The following ADARB2 variants were observed in gnomAD, a reference collection of about 807,000 sequenced individuals.
The protein encoded by ADARB2 is adenosine deaminase RNA specific B2 (inactive).
In ADARB2, 25 loss-of-function variants were observed where a neutral mutation model predicts 62.2. The observed-to-expected ratio is 0.40, with a 90% confidence interval of 0.29 to 0.56. The LOEUF (loss-of-function observed/expected upper bound fraction) is 0.56, where lower values mean the gene tolerates loss of function less well. Ranked by LOEUF, ADARB2 falls within the 20% of genes least tolerant of loss-of-function variation. The probability of loss-of-function intolerance (pLI) is 0.43; values close to 1 mark genes in which losing one functional copy is unlikely to be tolerated. For missense variants in ADARB2, 1,071 were observed against 1,077.4 expected (o/e 0.99, Z 0.08); for synonymous variants, 572 against 500.8 (o/e 1.14, Z -1.90).
intron 4 of ADARB2, among the ~76,000 whole-genome samples, chr10:1,249,590 G>C (rs1023168615): frequency 6.6e-6 from 1 of 151,660 alleles, no homozygotes; most frequent in African/African-American, 2.4e-5. Context: ...GGAACAGAGG[G>C]ATTTTTTTCC....
At position 1,638,626 on chromosome 10, in the gene ADARB2, TACA is replaced by T. The variant is rs200604543; in HGVS notation, c.100+98422_100+98424del. Among the ~76,000 whole-genome samples the T allele has an allele frequency of 3.6e-3, 542 of 152,310 alleles. 3 individuals carry two copies. Among genetic ancestry groups the T allele is most frequent in the African/African-American group, 0.012 (491 of 41,576 alleles). The stretch of plus-strand genomic sequence containing the variant: ...GCCTCGTGTGCATTACACAGTTTCT[TACA>T]ACAAGCCGATGAGGCAGATAATTTT... On this transcript the variant is annotated intron_variant, in intron 1 of 9. Transcript: ENST00000381312.
chr10:1,342,749 G>A (rs973381282), intron 3 of ADARB2, among the ~76,000 whole-genome samples: 10 of 152,142 alleles, frequency 6.6e-5, no homozygotes, highest in Non-Finnish European at 1.2e-4. Flanking sequence ...ATTGCAATGG[G>A]GTGACAAGCT....
At chr10:1,686,124 C>A (rs144730334) in intron 1 of ADARB2, among the ~76,000 whole-genome samples, 179 of 152,334 alleles carry the variant, frequency 1.2e-3, no homozygotes, top group African/African-American at 3.9e-3. Context: ...TCACCTGCTT[C>A]TTCAAAAAGT....
chr10:1,304,956 A>C lies in ADARB2; in HGVS notation c.1078-33887T>G, dbSNP rs1831612127. 2.0e-5 allele frequency among the ~76,000 whole-genome samples: 2 copies of C among 101,956 alleles called. 1 individual carries two copies. The highest frequency in any genetic ancestry group is 1.0e-3 in the South Asian group (2 of 2,006). The allele number at this position is 101,956 out of a possible 152,430, so 66.9% of individuals were successfully genotyped here. ...TCCAAAATTGACACCCTAACATCAC[A>C]ATTAAAAGAACTAGAAAAGCAAGAG... On this transcript the variant is annotated intron_variant, in intron 3 of 9. Transcript: ENST00000381312.
intron 1 of ADARB2, among the ~76,000 whole-genome samples, chr10:1,708,121 T>C (rs1479383459): frequency 6.6e-6 from 1 of 152,186 alleles, no homozygotes; most frequent in African/African-American, 2.4e-5. Context: ...GGGGCTCTGC[T>C]CCGTGCGGGC....
chr10:1,341,015 C>A lies in ADARB2; in HGVS notation c.1077+22013G>T, dbSNP rs544115104. Among the ~76,000 whole-genome samples, 63 of 151,350 alleles carry A rather than the reference C, an allele frequency of 4.2e-4. No homozygotes were observed. In the South Asian group the frequency reaches 5.0e-3, roughly 12 times the overall value. On this transcript the variant is annotated intron_variant, in intron 3 of 9. Coordinates refer to ENST00000381312, the MANE Select transcript of ADARB2 (RefSeq NM_018702.4). ...GCATCCACCAGAGAACCCTGTGCCC[C>A]ACATCGGCAATAACCAGCATCCACC...
At chr10:1,697,169 A>C (rs538381768) in intron 1 of ADARB2, among the ~76,000 whole-genome samples, 1 of 152,216 alleles carries the variant, frequency 6.6e-6, no homozygotes, top group African/African-American at 2.4e-5. Context: ...CTGTGTGCGA[A>C]CACTGCTGTG....
At chr10:1,652,964 T>C (rs1834129482) in intron 1 of ADARB2, among the ~76,000 whole-genome samples, 1 of 152,208 alleles carries the variant, frequency 6.6e-6, no homozygotes, top group Non-Finnish European at 1.5e-5. Flanking sequence ...GTGTCCTCCC[T>C]GAGATGCCAA....
intron 1 of ADARB2, among the ~76,000 whole-genome samples, chr10:1,396,652 C>T (rs1418998737): frequency 1.4e-5 from 2 of 140,364 alleles, no homozygotes; most frequent in African/African-American, 5.4e-5. Flanking sequence ...GGTCACTGTC[C>T]TCCTCTCCCC....
intron 1 of ADARB2, among the ~76,000 whole-genome samples, chr10:1,638,793 G>A (rs1257847082): frequency 1.3e-5 from 2 of 152,264 alleles, no homozygotes; most frequent in Non-Finnish European, 2.9e-5. Flanking sequence ...TGGACCCGAC[G>A]AGCTGGGAGA....
Position 1,182,363 on chromosome 10 carries a change from C to T in ADARB2, c.*830G>A, listed in dbSNP as rs1185184389. 6.5e-6 allele frequency: 1 copy of T among 153,922 alleles called. No homozygotes were observed. The highest frequency in any genetic ancestry group is 2.4e-5 in the African/African-American group (1 of 41,378). The allele number at this position is 153,922 out of a possible 1,614,324, so 9.5% of individuals were successfully genotyped here. On this transcript the variant is annotated 3_prime_UTR_variant, in exon 10 of 10. Coordinates refer to ENST00000381312, the MANE Select transcript of ADARB2 (RefSeq NM_018702.4). ...ATGGGCCAGGTGTTTCCGGGCTCCC[C>T]ACATCTGCAGCACGCGTGGGCCGGG... is the stretch of plus-strand genomic sequence containing the variant.
chr10:1,210,086 T>C (rs941958316), intron 7 of ADARB2, among the ~76,000 whole-genome samples: 3 of 152,228 alleles, frequency 2.0e-5, no homozygotes, highest in African/African-American at 7.2e-5. Flanking sequence ...CTAAAGGTGA[T>C]GCCTGTGCAT....
intron 3 of ADARB2, among the ~76,000 whole-genome samples, chr10:1,293,648 T>G (rs1831498024): frequency 6.6e-6 from 1 of 152,240 alleles, no homozygotes; most frequent in Admixed American, 6.5e-5. Context: ...TCCACTACCT[T>G]TGACAAAGCT....
At chr10:1,456,587 G>A (rs999721370) in intron 1 of ADARB2, among the ~76,000 whole-genome samples, 6 of 152,084 alleles carry the variant, frequency 3.9e-5, no homozygotes, top group East Asian at 1.9e-4. Context: ...CCTCAGCAAC[G>A]ATCCTGCAAG....
intron 8 of ADARB2, chr10:1,186,635 C>A (rs1018686631): frequency 1.0e-5 from 5 of 500,188 alleles, no homozygotes; most frequent in East Asian, 1.1e-4. Flanking sequence ...GCGAGCGGGG[C>A]CCCTGAGTTC....
chr10:1,644,832 G>A (rs1440024737), intron 1 of ADARB2, among the ~76,000 whole-genome samples: 1 of 152,232 alleles, frequency 6.6e-6, no homozygotes, highest in Non-Finnish European at 1.5e-5. Context: ...ACTTTGTTTT[G>A]TTAATGTTTA....
intron 1 of ADARB2, among the ~76,000 whole-genome samples, chr10:1,631,945 G>A (rs577285011): frequency 9.2e-5 from 14 of 152,268 alleles, no homozygotes; most frequent in African/African-American, 2.6e-4. Flanking sequence ...GTGGATAAGC[G>A]TGATCTTAGA....
chr10:1,389,381 A>T (rs1188210384), intron 1 of ADARB2, among the ~76,000 whole-genome samples: 1 of 152,236 alleles, frequency 6.6e-6, no homozygotes, highest in Non-Finnish European at 1.5e-5. Flanking sequence ...TATATTTACA[A>T]TCAAGATGAC....
chr10:1,465,885 G>C (rs74122655), intron 1 of ADARB2, among the ~76,000 whole-genome samples: 2,632 of 152,358 alleles, frequency 0.017, 89 homozygotes, highest in African/African-American at 0.06. Flanking sequence ...TCGTCTTTCA[G>C]AGTGTACTTT....
Sources: gnomAD v4.1 joint callset for allele counts (sites outside exome capture counted in the v4.1 genomes callset) on GRCh38, gnomAD v4.1.1 for gene constraint, MANE v1.5 for transcripts, NCBI Gene and HGNC (gene_info 2026-07-23, HGNC 2026-07-21) for gene names.